Variants in CRADD observed in about 807,000 individuals in gnomAD.
CRADD encodes the protein CARD and death domain containing adaptor protein.
In CRADD, 9 loss-of-function variants were observed where a neutral mutation model predicts 15.5. That is an observed-to-expected ratio of 0.58 (90% CI 0.35 to 1.01). CRADD has a LOEUF of 1.01. Among genes scored for constraint, CRADD ranks in the 50% least tolerant of loss-of-function variants. The probability of loss-of-function intolerance (pLI) is 0.02; values close to 1 mark genes in which losing one functional copy is unlikely to be tolerated. For synonymous variants in CRADD, 118 were observed against 107.6 expected, an observed-to-expected ratio of 1.10 and a Z score of -0.60; for missense variants, 227 against 250.3, an observed-to-expected ratio of 0.91 and a Z score of 0.63.
intron 2 of CRADD, among the ~76,000 whole-genome samples, chr12:93,774,549 A>G (rs1957121514): frequency 6.6e-6 from 1 of 152,100 alleles, no homozygotes; most frequent in Non-Finnish European, 1.5e-5. Context: ...GAATGTGAAG[A>G]TGGGTTAGGA....
At chr12:93,698,327 AAGG>A (rs1468108065) in intron 2 of CRADD, among the ~76,000 whole-genome samples, 2 of 152,330 alleles carry the variant, frequency 1.3e-5, no homozygotes, top group South Asian at 2.1e-4. Context: ...ATGCCAAAAA[AAGG>A]AGAAAATTTA....
intron 2 of CRADD, chr12:93,848,926 C>G (rs902665187): frequency 1.3e-5 from 2 of 152,260 alleles, no homozygotes; most frequent in Non-Finnish European, 2.9e-5. Context: ...CTCATACTTC[C>G]TGTTCCTCTT....
At chr12:93,744,244 C>G (rs1956721987) in intron 2 of CRADD, among the ~76,000 whole-genome samples, 1 of 152,184 alleles carries the variant, frequency 6.6e-6, no homozygotes, top group Non-Finnish European at 1.5e-5. Context: ...GAATCCACTT[C>G]CAGGCTCACT....
chr12:93,850,848 A>G (rs535937277), downstream of CRADD: 221 of 562,438 alleles, frequency 3.9e-4, 1 homozygote, highest in African/African-American at 4.4e-3. This position sits in a 1 kb window ranked among gnomAD's most constrained non-coding sequence, Gnocchi z 4.0. Flanking sequence ...TCTTTTTGGA[A>G]CAGAATTAAT....
At chr12:93,815,911 A>G (rs1219829825) in intron 2 of CRADD, 1 of 152,216 alleles carries the variant, frequency 6.6e-6, no homozygotes, top group African/African-American at 2.4e-5. Flanking sequence ...CCCTGGTGTC[A>G]CTGCTCACTC....
chr12:93,866,587 T>C (rs913532214), intron 2 of CRADD, among the ~76,000 whole-genome samples: 14 of 152,202 alleles, frequency 9.2e-5, no homozygotes, highest in African/African-American at 3.4e-4. Flanking sequence ...GTTAGAGGCT[T>C]TCTTTAAAAG....
intron 2 of CRADD, among the ~76,000 whole-genome samples, chr12:93,732,799 T>C (rs1415758892): frequency 2.6e-5 from 4 of 152,198 alleles, no homozygotes; most frequent in Admixed American, 1.3e-4. Context: ...ATGACATAAT[T>C]TTTGTAAAGA....
At position 93,881,683 on chromosome 12, in the gene CRADD, A is replaced by G. The variant is rs1461576291; in HGVS notation, c.299-12367A>G. Among the ~76,000 whole-genome samples, 4 of 152,246 alleles carry G rather than the reference A, an allele frequency of 2.6e-5. No individual in the cohort carries two copies. The East Asian group carries it at 5.8e-4, about 22-fold the overall frequency. On this transcript the variant is annotated intron_variant, in intron 2 of 2. Transcript: ENST00000548483. ...TTTAAGTAAAGAAGACTTGTACTATATAGTCAACATTTATTATATAAAGTT... is the reference window on the plus strand; with the variant it reads ...TTTAAGTAAAGAAGACTTGTACTATGTAGTCAACATTTATTATATAAAGTT...
At chr12:93,841,450 G>C (rs1202296258) in intron 2 of CRADD, among the ~76,000 whole-genome samples, 1 of 152,052 alleles carries the variant, frequency 6.6e-6, no homozygotes, top group African/African-American at 2.4e-5. Context: ...CTTGTCCAAG[G>C]TCCACAGGAT....
intron 2 of CRADD, among the ~76,000 whole-genome samples, chr12:93,828,511 T>C (rs1357924444): frequency 2.0e-5 from 3 of 152,242 alleles, no homozygotes; most frequent in Non-Finnish European, 4.4e-5. Flanking sequence ...CCTTAAATTC[T>C]TGTGTATGTC....
intron 2 of CRADD, chr12:93,790,550 T>G (rs931881226): frequency 3.3e-5 from 5 of 152,168 alleles, no homozygotes; most frequent in Non-Finnish European, 7.3e-5. Context: ...TCTATTTATT[T>G]ATAGTTTTCT....
At position 93,855,806 on chromosome 12, in the gene CRADD, A is replaced by G. The variant is rs370426481; in HGVS notation, c.299-38244A>G. On this transcript the variant is annotated intron_variant, in intron 2 of 2. Transcript: ENST00000548483. ...ACCATTGAGTTGAATTCTTTTGGCT[A>G]TCAGAGTTTTTCTTTTTCTTTTTCT... Among the ~76,000 whole-genome samples, 67 of 152,300 alleles carry G rather than the reference A, an allele frequency of 4.4e-4. 2 individuals carry two copies. The South Asian group carries it at 0.013, about 30-fold the overall frequency.
chr12:93,691,240 A>G (rs1235636522), intron 2 of CRADD, among the ~76,000 whole-genome samples: 1 of 141,580 alleles, frequency 7.1e-6, no homozygotes, highest in Non-Finnish European at 1.5e-5. Flanking sequence ...AATATAAAGA[A>G]TTTTCTTTTG....
chr12:93,821,396 G>C (rs1009363703), intron 2 of CRADD, among the ~76,000 whole-genome samples: 1 of 152,104 alleles, frequency 6.6e-6, no homozygotes, highest in East Asian at 1.9e-4. Flanking sequence ...CTGGCACATC[G>C]GTCTCTAGGT....
chr12:93,731,261 A>G (rs540722944), intron 2 of CRADD, among the ~76,000 whole-genome samples: 3 of 152,310 alleles, frequency 2.0e-5, no homozygotes, highest in East Asian at 3.9e-4. Flanking sequence ...CTCCAGTTGA[A>G]AAAAGTATTT....
At chr12:93,749,970 G>A (rs1038388953) in intron 2 of CRADD, among the ~76,000 whole-genome samples, 3 of 152,178 alleles carry the variant, frequency 2.0e-5, no homozygotes, top group Non-Finnish European at 4.4e-5. Flanking sequence ...TTTGTTACAT[G>A]AATGAATAAA....
chr12:93,863,352 A>G (rs959665447), intron 2 of CRADD, among the ~76,000 whole-genome samples: 3 of 152,006 alleles, frequency 2.0e-5, no homozygotes, highest in African/African-American at 7.3e-5. Flanking sequence ...TCCCTTTGCT[A>G]TCTTCTCATT....
intron 2 of CRADD, among the ~76,000 whole-genome samples, chr12:93,715,993 G>T (rs528860239): frequency 6.6e-6 from 1 of 152,090 alleles, no homozygotes; most frequent in Admixed American, 6.6e-5. Context: ...TTAGCCAGGC[G>T]TAGTGGCAGA....
At chr12:93,865,015 G>C (rs1742252402) in intron 2 of CRADD, among the ~76,000 whole-genome samples, 1 of 152,184 alleles carries the variant, frequency 6.6e-6, no homozygotes. Flanking sequence ...GGGGTGCCTG[G>C]CTTTTACTCA....
Sources: allele counts gnomAD v4.1 joint callset (sites outside exome capture counted in the v4.1 genomes callset), GRCh38; gene constraint gnomAD v4.1.1; non-coding constraint Gnocchi (gnomAD v3.1); transcripts MANE v1.5; gene names NCBI Gene and HGNC (gene_info 2026-07-23, HGNC 2026-07-21).